BMPER: variants seen among roughly 807,000 people sequenced by gnomAD.
BMPER encodes the protein BMP-binding endothelial regulator protein.
Under a neutral mutation model 87.3 loss-of-function variants are expected in BMPER, and 45 were observed. That is an observed-to-expected ratio of 0.52 (90% CI 0.41 to 0.66). BMPER has a LOEUF of 0.66. Among genes scored for constraint, BMPER ranks in the 30% least tolerant of loss-of-function variants. The pLI is 0.00. For synonymous variants in BMPER, 326 were observed against 316.2 expected, an observed-to-expected ratio of 1.03 and a Z score of -0.33; for missense variants, 784 against 867.5, an observed-to-expected ratio of 0.90 and a Z score of 1.21.
At chr7:34,058,495 C>A (rs1423151491) in intron 10 of BMPER, among the ~76,000 whole-genome samples, 4 of 152,156 alleles carry the variant, frequency 2.6e-5, no homozygotes, top group African/African-American at 7.2e-5. Context: ...TTGCCTTTTC[C>A]TCTTTTCTCT....
chr7:33,975,928 G>A (rs1309267240), intron 6 of BMPER, among the ~76,000 whole-genome samples: 2 of 151,968 alleles, frequency 1.3e-5, no homozygotes, highest in Non-Finnish European at 2.9e-5. Flanking sequence ...TTTGTATGGG[G>A]GAGAAGGAGG....
chr7:34,134,574 T>C (rs1790673067), intron 13 of BMPER, among the ~76,000 whole-genome samples: 1 of 152,168 alleles, frequency 6.6e-6, no homozygotes, highest in Admixed American at 6.5e-5. Flanking sequence ...TGAGCAAAGA[T>C]AGCTTAACTT....
At chr7:33,960,030 T>G (rs1254254797) in intron 3 of BMPER, among the ~76,000 whole-genome samples, 1 of 152,246 alleles carries the variant, frequency 6.6e-6, no homozygotes, top group East Asian at 1.9e-4. Context: ...TTTCTATCAT[T>G]TTTTCTATTG....
intron 6 of BMPER, among the ~76,000 whole-genome samples, chr7:33,991,401 C>T (rs142486619): frequency 0.26 from 40,039 of 151,542 alleles, 5,725 homozygotes; most frequent in African/African-American, 0.35. Context: ...AGTTTATTTG[C>T]GTAGAGGTGT....
chr7:33,933,093 C>T (rs1056256448), intron 2 of BMPER, among the ~76,000 whole-genome samples: 8 of 152,208 alleles, frequency 5.3e-5, no homozygotes, highest in African/African-American at 1.9e-4. Flanking sequence ...CTGCCGGAAT[C>T]CTGTTTGAAC....
At chr7:34,078,351 A>G (rs1333434963) in intron 11 of BMPER, among the ~76,000 whole-genome samples, 1 of 152,212 alleles carries the variant, frequency 6.6e-6, no homozygotes, top group Admixed American at 6.5e-5. Flanking sequence ...TATCCTAGGT[A>G]AATACACGGG....
At position 33,906,865 on chromosome 7, in the gene BMPER, T is replaced by G. The variant is rs1474609122; in HGVS notation, c.181T>G (p.Phe61Val). The G allele has an allele frequency of 1.2e-6, 2 of 1,613,912 alleles. No individual in the cohort carries two copies. The highest frequency in any genetic ancestry group is 2.2e-5 in the South Asian group (2 of 91,068). The change falls in exon 2 of 15, where the codon TTT (phenylalanine) becomes GTT (valine). Residue 61 changes from phenylalanine to valine, a missense_variant. Transcript: ENST00000649409. ...TGAAGGTGAAGTCCTCCAGATTCCA[T>G]TTATCACAGACAACCCTTGCATAAT... ...ENEGEVLQIPFITDNPCIMCV... is the reference protein window; with the variant it reads ...ENEGEVLQIPVITDNPCIMCV...
chr7:34,034,586 C>T (rs1271426915), intron 6 of BMPER, among the ~76,000 whole-genome samples: 1 of 152,214 alleles, frequency 6.6e-6, no homozygotes, highest in Non-Finnish European at 1.5e-5. Context: ...GTATGGAAGT[C>T]TCCACTGAAG....
chr7:33,914,499 G>C (rs542660836), intron 2 of BMPER, among the ~76,000 whole-genome samples: 2 of 152,250 alleles, frequency 1.3e-5, no homozygotes, highest in East Asian at 3.9e-4. Flanking sequence ...CATGTGGGTG[G>C]GTGGGTAGTA....
chr7:34,008,459 T>G (rs929299717), intron 6 of BMPER, among the ~76,000 whole-genome samples: 3 of 151,960 alleles, frequency 2.0e-5, no homozygotes, highest in Non-Finnish European at 2.9e-5. Context: ...TAAAAAAAAA[T>G]TTCCCAGTTT....
chr7:34,123,140 A>G (rs559472667), intron 13 of BMPER, among the ~76,000 whole-genome samples: 49 of 152,318 alleles, frequency 3.2e-4, no homozygotes, highest in South Asian at 6.2e-4. Context: ...GTAATGTGCT[A>G]CAGTCTAATG....
chr7:34,049,789 A>G (rs1204596127), intron 7 of BMPER, among the ~76,000 whole-genome samples: 1 of 152,220 alleles, frequency 6.6e-6, no homozygotes, highest in Non-Finnish European at 1.5e-5. Context: ...AAGCAGAGAT[A>G]TTTTAGATTA....
chr7:34,059,302 A>G (rs1046024573), intron 10 of BMPER, among the ~76,000 whole-genome samples: 10 of 152,196 alleles, frequency 6.6e-5, no homozygotes, highest in Non-Finnish European at 1.5e-4. Flanking sequence ...TCAAGTAACT[A>G]GCCTCAGCAG....
At chr7:33,924,459 C>T (rs1784311241) in intron 2 of BMPER, among the ~76,000 whole-genome samples, 1 of 152,186 alleles carries the variant, frequency 6.6e-6, no homozygotes, top group Non-Finnish European at 1.5e-5. Flanking sequence ...GGCCTCAGCT[C>T]CCAAAGCACC....
chr7:34,062,883 T>C (rs994276901), intron 11 of BMPER, among the ~76,000 whole-genome samples: 1 of 152,200 alleles, frequency 6.6e-6, no homozygotes, highest in African/African-American at 2.4e-5. Context: ...ACCAAAATGT[T>C]GTTGTGTGAT....
intron 3 of BMPER, among the ~76,000 whole-genome samples, chr7:33,938,881 C>T (rs781086688): frequency 3.3e-5 from 5 of 152,080 alleles, no homozygotes; most frequent in Admixed American, 6.6e-5. Context: ...TAAAAATTAG[C>T]CAGGTGTGGT....
intron 2 of BMPER, among the ~76,000 whole-genome samples, chr7:33,924,469 CT>C (rs889302791): frequency 8.5e-5 from 13 of 152,302 alleles, no homozygotes; most frequent in African/African-American, 3.1e-4. Context: ...CCCAAAGCAC[CT>C]TCCCCTCTCA....
chr7:33,995,810 C>T (rs1786394891), intron 6 of BMPER, among the ~76,000 whole-genome samples: 1 of 152,118 alleles, frequency 6.6e-6, no homozygotes, highest in Non-Finnish European at 1.5e-5. Context: ...GTCCCATGTT[C>T]AGAGTCTTAC....
At chr7:33,918,541 C>A (rs1784139170) in intron 2 of BMPER, among the ~76,000 whole-genome samples, 1 of 152,234 alleles carries the variant, frequency 6.6e-6, no homozygotes, top group Admixed American at 6.5e-5. Flanking sequence ...GGTGTAAAAG[C>A]AGTAGCATCA....
Sources: allele counts gnomAD v4.1 joint callset (sites outside exome capture counted in the v4.1 genomes callset), GRCh38; gene constraint gnomAD v4.1.1; transcripts MANE v1.5; gene names NCBI Gene and HGNC (gene_info 2026-07-23, HGNC 2026-07-21).